HCRTR2: variants seen among roughly 807,000 people sequenced by gnomAD.
The protein encoded by HCRTR2 is orexin receptor type 2.
HCRTR2 carries 22 observed loss-of-function variants against 49.0 expected under a neutral mutation model. The observed-to-expected ratio is 0.45, with a 90% CI of 0.32 to 0.64. HCRTR2 has a LOEUF of 0.64. Ranked by LOEUF, HCRTR2 falls within the 30% of genes least tolerant of loss-of-function variation. The probability of loss-of-function intolerance (pLI) is 0.04; values close to 1 mark genes in which losing one functional copy is unlikely to be tolerated. For synonymous variants in HCRTR2, 236 were observed against 205.3 expected (o/e 1.15, Z -1.28); for missense variants, 491 against 559.4 (o/e 0.88, Z 1.23).
upstream of HCRTR2, chr6:55,174,509 C>T (rs571522264): frequency 8.1e-7 from 1 of 1,235,664 alleles, no homozygotes; most frequent in African/African-American, 1.5e-5. Context: ...CGCAGCCTTT[C>T]CCACCGCAAA....
At chr6:55,119,621 TG>T (rs1480956006) in intron 1 of HCRTR2, among the ~76,000 whole-genome samples, 4,921 of 94,558 alleles carry the variant, frequency 0.052, 273 homozygotes, top group African/African-American at 0.18. Flanking sequence ...TCATTTTTGA[TG>T]TTTTTTTTTT....
At chr6:55,129,853 ATAG>A (rs1390341738) in intron 1 of HCRTR2, among the ~76,000 whole-genome samples, 3 of 152,014 alleles carry the variant, frequency 2.0e-5, no homozygotes, top group Non-Finnish European at 4.4e-5. Context: ...TCAAATTTCT[ATAG>A]AAGTTGCCTT....
At chr6:55,276,005 G>A (rs1280403093) in intron 4 of HCRTR2, among the ~76,000 whole-genome samples, 1 of 152,066 alleles carries the variant, frequency 6.6e-6, no homozygotes, top group Non-Finnish European at 1.5e-5. Flanking sequence ...ACACATACAG[G>A]CTTTTCATGA....
intron 1 of HCRTR2, among the ~76,000 whole-genome samples, chr6:55,167,266 A>G (rs1300382219): frequency 6.6e-6 from 1 of 152,222 alleles, no homozygotes; most frequent in Non-Finnish European, 1.5e-5. Flanking sequence ...TAGCGATTGC[A>G]TTTGTATTGG....
rs569264328 is a variant in HCRTR2, at chr6:55,142,052, G to A, written c.-377-32159G>A. On this transcript the variant is annotated intron_variant, in intron 1 of 7. Coordinates refer to the HCRTR2 transcript ENST00000615358. ...GTTAATTAAATAGTAAAATCAAGAT[G>A]TGACATATGCCAACATAAAGTAAAT... 1.0e-3 allele frequency among the ~76,000 whole-genome samples: 152 copies of A among 152,226 alleles called. 2 individuals carry two copies. The South Asian group carries it at 0.019, about 19-fold the overall frequency.
chr6:55,261,720 A>T (rs1420729397), intron 3 of HCRTR2, among the ~76,000 whole-genome samples: 1 of 152,160 alleles, frequency 6.6e-6, no homozygotes, highest in Non-Finnish European at 1.5e-5. Context: ...CAGTGTGGAG[A>T]TTCCTTAAAG....
chr6:55,272,585 A>T lies in HCRTR2; in HGVS notation c.763-4795A>T, dbSNP rs559354823. ...AAATGATGGGATATTTTAAAATTTT[A>T]AAAATTGAAGACTTTTTTTTTTTTT... On this transcript the variant is annotated intron_variant, in intron 4 of 6. Transcript: ENST00000370862. Among the ~76,000 whole-genome samples, 24 of 148,402 alleles carry T rather than the reference A, an allele frequency of 1.6e-4. No individual in the cohort carries two copies. In the South Asian group the frequency reaches 2.6e-3, roughly 16 times the overall value.
At chr6:55,161,991 G>A (rs1046144188) in intron 1 of HCRTR2, among the ~76,000 whole-genome samples, 16 of 152,212 alleles carry the variant, frequency 1.1e-4, no homozygotes, top group African/African-American at 3.4e-4. Context: ...TATGAGGCTG[G>A]CATCATCCTG....
intron 1 of HCRTR2, among the ~76,000 whole-genome samples, chr6:55,158,262 T>G (rs1483168312): frequency 1.3e-5 from 2 of 152,134 alleles, no homozygotes; most frequent in Admixed American, 6.5e-5. Flanking sequence ...TGAGGGATGG[T>G]GCATTCTGGT....
intron 4 of HCRTR2, among the ~76,000 whole-genome samples, chr6:55,273,197 G>T (rs1006279836): frequency 6.6e-6 from 1 of 152,036 alleles, no homozygotes; most frequent in Non-Finnish European, 1.5e-5. Flanking sequence ...GGTGGTGGGT[G>T]TAAGGGGCAA....
At chr6:55,123,235 G>T (rs1424875831) in intron 1 of HCRTR2, among the ~76,000 whole-genome samples, 1 of 151,974 alleles carries the variant, frequency 6.6e-6, no homozygotes, top group Non-Finnish European at 1.5e-5. Context: ...TCCAGGTTTT[G>T]CCCATTCAGT....
intron 1 of HCRTR2, among the ~76,000 whole-genome samples, chr6:55,134,367 A>C (rs776915305): frequency 6.6e-6 from 1 of 151,924 alleles, no homozygotes; most frequent in Non-Finnish European, 1.5e-5. Flanking sequence ...CAAAAAATTT[A>C]TAATATGATA....
intron 5 of HCRTR2, among the ~76,000 whole-genome samples, chr6:55,277,828 A>G (rs1562031731): frequency 6.6e-6 from 1 of 152,202 alleles, no homozygotes. Context: ...CATGGCAGAC[A>G]TAAAACAGAT....
chr6:55,131,894 C>T (rs902078134), intron 1 of HCRTR2, among the ~76,000 whole-genome samples: 1 of 151,674 alleles, frequency 6.6e-6, no homozygotes, highest in African/African-American at 2.4e-5. Context: ...GTAAATGAAC[C>T]TGGAAATGAA....
At chr6:55,129,852 T>TC (rs1192008348) in intron 1 of HCRTR2, among the ~76,000 whole-genome samples, 3 of 152,038 alleles carry the variant, frequency 2.0e-5, no homozygotes, top group Non-Finnish European at 4.4e-5. Context: ...TTCAAATTTC[T>TC]ATAGAAGTTG....
intron 1 of HCRTR2, among the ~76,000 whole-genome samples, chr6:55,233,455 C>G (rs578231076): frequency 6.6e-6 from 1 of 152,182 alleles, no homozygotes; most frequent in Admixed American, 6.5e-5. Context: ...GTCAAAAATT[C>G]TGAGGCAAGA....
chr6:55,281,509 G>A (rs115268358), intron 6 of HCRTR2, among the ~76,000 whole-genome samples: 1,752 of 152,220 alleles, frequency 0.012, 32 homozygotes, highest in African/African-American at 0.04. Context: ...TATTGTGCTG[G>A]GCCCGTGAAC....
At chr6:55,154,432 A>G (rs1185283467) in intron 1 of HCRTR2, among the ~76,000 whole-genome samples, 2 of 152,016 alleles carry the variant, frequency 1.3e-5, no homozygotes, top group East Asian at 3.9e-4. Flanking sequence ...TAGCATGACC[A>G]GTGAAATTTC....
At chr6:55,109,135 C>A in intron 1 of HCRTR2, among the ~76,000 whole-genome samples, 1 of 152,142 alleles carries the variant, frequency 6.6e-6, no homozygotes, top group East Asian at 1.9e-4. Context: ...TGGCTAGACA[C>A]AGAAATAACA....
Sources: allele counts gnomAD v4.1 joint callset (sites outside exome capture counted in the v4.1 genomes callset), GRCh38; gene constraint gnomAD v4.1.1; transcripts MANE v1.5; gene names NCBI Gene and HGNC (gene_info 2026-07-23, HGNC 2026-07-21).